Variants in AATK observed in about 807,000 individuals in gnomAD.
AATK encodes the protein serine/threonine-protein kinase LMTK1.
In AATK, 91 loss-of-function variants were observed where a neutral mutation model predicts 114.3. The observed-to-expected ratio is 0.80, with a 90% CI of 0.67 to 0.95. AATK has a LOEUF of 0.95. Ranked by LOEUF, AATK falls within the 40% of genes least tolerant of loss-of-function variation. The pLI, the probability that AATK is intolerant of heterozygous loss-of-function variation, is 0.00. For missense variants in AATK, 2,176 were observed against 1,965.2 expected, an observed-to-expected ratio of 1.11 and a Z score of -2.03; for synonymous variants, 1,075 against 916.5, an observed-to-expected ratio of 1.17 and a Z score of -3.12.
chr17:81,121,147 C>G lies in AATK; in HGVS notation c.2789G>C (p.Gly930Ala), dbSNP rs372714171. The change falls in exon 11 of 14, where the codon GGG becomes GCG. Residue 930 changes from glycine to alanine, a missense_variant. Gly to Ala is a moderately conservative substitution (Grantham distance 60). Coordinates refer to ENST00000326724, the MANE Select transcript of AATK (RefSeq NM_001080395.3). The stretch of plus-strand genomic sequence containing the variant: ...GCCACTGTCCAGCGCTCGCGGCTGC[C>G]CTCCAGAGGGGCCAGTGGCCGACGG... ...FSPSATGPSG[G>A]QPRALDSGYD... 23 of 1,604,482 alleles carry G rather than the reference C, an allele frequency of 1.4e-5. No homozygotes were observed. Among genetic ancestry groups the G allele is most frequent in the Non-Finnish European group, 2.0e-5 (23 of 1,176,380 alleles).
rs61577292 is a variant in AATK at position 81,154,723 on chromosome 17, A to G, written c.55+11215T>C. On this transcript the variant is annotated intron_variant, in intron 1 of 13. Transcript: ENST00000326724. ...CGGCTCACTGCAACCTCCACCTCCC[A>G]GGTTCAAGCAATTCTCCTGCCTCAG... Among the ~76,000 whole-genome samples, 7 of 140,282 alleles carry G rather than the reference A, an allele frequency of 5.0e-5. No individual in the cohort carries two copies. The East Asian group carries it at 6.3e-4, about 13-fold the overall frequency. 92.0% of individuals were successfully genotyped at this position (140,282 alleles called of 152,430 possible).
chr17:81,151,804 G>A (rs2061302683), intron 1 of AATK, among the ~76,000 whole-genome samples: 2 of 152,228 alleles, frequency 1.3e-5, no homozygotes, highest in Admixed American at 1.3e-4. Flanking sequence ...GAAATTAAGT[G>A]TGCTCAAGGG....
In AATK at chr17:81,165,520, C is replaced by A. The variant is rs1255991196; in HGVS notation, c.55+418G>T. The A allele has an allele frequency of 1.1e-5, 8 of 733,324 alleles. No homozygotes were observed. In the Admixed American group the frequency reaches 2.2e-4, roughly 20 times the overall value. 45.4% of individuals were successfully genotyped at this position (733,324 alleles called of 1,614,324 possible). On this transcript the variant is annotated intron_variant, in intron 1 of 13. Coordinates refer to ENST00000326724, the MANE Select transcript of AATK (RefSeq NM_001080395.3). Reference sequence around the variant, plus strand: ...GCAGGGCTCTGAGAATCGCTCCCAGCCTGGGAAGAAGCCTCCCACGCCAGG... The same window carrying A: ...GCAGGGCTCTGAGAATCGCTCCCAGACTGGGAAGAAGCCTCCCACGCCAGG...
chr17:81,159,714 C>G (rs1260438878), intron 1 of AATK, among the ~76,000 whole-genome samples: 1 of 151,962 alleles, frequency 6.6e-6, no homozygotes. Flanking sequence ...AGGATCCTCA[C>G]ACCGAGGACG....
chr17:81,158,553 G>T (rs1336246908), intron 1 of AATK, among the ~76,000 whole-genome samples: 3 of 152,240 alleles, frequency 2.0e-5, no homozygotes, highest in African/African-American at 7.2e-5. Flanking sequence ...TGCTCACTGC[G>T]CACAGACCTG....
At position 81,126,246 on chromosome 17, in the gene AATK, T is replaced by C. The variant is rs62073058; in HGVS notation, c.755+181A>G. Among the ~76,000 whole-genome samples, 12,557 of 152,192 alleles carry C rather than the reference T, an allele frequency of 0.083. 620 individuals carry two copies. Among genetic ancestry groups the C allele is most frequent in the African/African-American group, 0.13 (5,476 of 41,520 alleles). ...ACCTGCAAAGTGGGTGTCAAACCAT[T>C]GTCTTCCCAATTTTTCAAAAACGTC... On this transcript the variant is annotated intron_variant, in intron 7 of 13. Coordinates refer to ENST00000326724, the MANE Select transcript of AATK (RefSeq NM_001080395.3). The surrounding 1 kb of genome is among the most constrained non-coding windows in gnomAD (Gnocchi z 5.1).
At position 81,124,920 on chromosome 17, in the gene AATK, C is replaced by T; in HGVS notation, c.840+10G>A. 1.3e-6 allele frequency: 2 copies of T among 1,562,770 alleles called. No individual in the cohort carries two copies. Among genetic ancestry groups the T allele is most frequent in the African/African-American group, 1.4e-5 (1 of 73,182 alleles). On this transcript the variant is annotated intron_variant, in intron 8 of 13. Transcript: ENST00000326724. ...CTCATGCCCAGCCCAGCCCACCCCA[C>T]CCCACTCACTCTGTACTTGCAGTGA...
intron 1 of AATK, among the ~76,000 whole-genome samples, chr17:81,162,685 G>A (rs142068768): frequency 1.3e-5 from 2 of 152,306 alleles, no homozygotes; most frequent in East Asian, 1.9e-4. Context: ...CCAGGTGTCC[G>A]GTTCACATGA....
At chr17:81,119,264 A>AAGGCGCGGT in intron 13 of AATK, 116 bp downstream of exon 13, 1 of 1,004,606 alleles carries the variant, frequency 1.0e-6, no homozygotes, top group Non-Finnish European at 1.3e-6. Flanking sequence ...GAAGGAGCGG[A>AAGGCGCGGT]GCGGAGCGGA....
Position 81,122,073 on chromosome 17 carries a change from C to A in AATK, c.1863G>T (p.Glu621Asp). 6.3e-7 allele frequency: 1 copy of A among 1,586,036 alleles called. No individual in the cohort carries two copies. Among genetic ancestry groups the A allele is most frequent in the East Asian group, 2.3e-5 (1 of 43,958 alleles). ...CCCAGTCTGCATCCTCCGCTCCTCC[C>A]TCCGCCAGACTCAGGGGCCCCGCCG... ...SPSAGPLSLA[E>D]GGAEDADWGV... Residue 621 changes from glutamate (E) to aspartate (D), a missense_variant, in exon 11 of 14, where the codon GAG (glutamate) becomes GAT (aspartate). Transcript: ENST00000326724.
At chr17:81,163,216 G>A (rs929625083) in intron 1 of AATK, among the ~76,000 whole-genome samples, 2 of 152,192 alleles carry the variant, frequency 1.3e-5, no homozygotes, top group African/African-American at 2.4e-5. Flanking sequence ...GACAGCTCCA[G>A]GCCCCAGGGC....
intron 1 of AATK, among the ~76,000 whole-genome samples, chr17:81,146,236 C>T (rs979168800): frequency 6.6e-6 from 1 of 151,750 alleles, no homozygotes; most frequent in South Asian, 2.1e-4. Flanking sequence ...TGATGCACAC[C>T]TGTGGTCCCA....
Position 81,133,304 on chromosome 17 carries a change from G to A in AATK, c.189+1064C>T. 4.5e-6 allele frequency: 2 copies of A among 446,886 alleles called. 1 individual carries two copies. Among genetic ancestry groups the A allele is most frequent in the South Asian group, 3.2e-5 (2 of 62,020 alleles). The allele number at this position is 446,886 out of a possible 1,614,324, so 27.7% of individuals were successfully genotyped here. A position where few individuals can be genotyped will look rare whatever the true frequency, so the allele number is the denominator to read the frequency against. On this transcript the variant is annotated intron_variant, in intron 2 of 13. Coordinates refer to ENST00000326724, the MANE Select transcript of AATK (RefSeq NM_001080395.3). ...GCACCGTCACCTGCCAGGCCAGCGG[G>A]ACAGGTGGGCAGAGCCAGCTCCTTG...
At chr17:81,133,166 C>A (rs996108904) in intron 2 of AATK, 1 of 469,448 alleles carries the variant, frequency 2.1e-6, no homozygotes, top group Non-Finnish European at 4.4e-6. Flanking sequence ...CTTTGCCCCC[C>A]AGGCACGCAG....
chr17:81,120,921 G>A lies in AATK; in HGVS notation c.3015C>T (p.Ala1005=), dbSNP rs537667906. 37 of 1,599,528 alleles carry A rather than the reference G, an allele frequency of 2.3e-5. No homozygotes were observed. The highest frequency in any genetic ancestry group is 2.3e-4 in the South Asian group (20 of 88,718). The change falls in exon 11 of 14, where the codon GCC becomes GCT. Residue 1005 remains alanine (A), a synonymous_variant. Transcript: ENST00000326724. ...TCTTCTCTGGGCCTGAGGTGGCCTC[G>A]GCCTCAGCCTCGAGGTCTGAGAAGT... ...SAYFSDLEAE[A]EATSGPEKKC...
rs1489277526 is a variant in AATK at position 81,126,730 on chromosome 17, G to C, written c.622-170C>G. ...GGCCAGCACCCAGCAGTTCCTGGAGGGGGGCCGTGTCCCCCAGGGCTGGGC... is the reference window on the plus strand; with the variant it reads ...GGCCAGCACCCAGCAGTTCCTGGAGCGGGGCCGTGTCCCCCAGGGCTGGGC... On this transcript the variant is annotated intron_variant, in intron 6 of 13. Coordinates refer to ENST00000326724, the MANE Select transcript of AATK (RefSeq NM_001080395.3). The surrounding 1 kb of genome is among the most constrained non-coding windows in gnomAD (Gnocchi z 5.1). 2.8e-5 allele frequency: 40 copies of C among 1,418,552 alleles called. No homozygotes were observed. The East Asian group carries it at 5.1e-4, about 18-fold the overall frequency. The allele number at this position is 1,418,552 out of a possible 1,614,324, so 87.9% of individuals were successfully genotyped here.
chr17:81,123,149 C>T, intron 10 of AATK, 45 bp downstream of exon 10: 1 of 1,396,454 alleles, frequency 7.2e-7, no homozygotes, highest in Non-Finnish European at 9.3e-7. Context: ...ATCAGGATAC[C>T]CCATCTCGGC....
At chr17:81,151,858 G>T (rs971631910) in intron 1 of AATK, among the ~76,000 whole-genome samples, 1 of 152,150 alleles carries the variant, frequency 6.6e-6, no homozygotes, top group Non-Finnish European at 1.5e-5. Context: ...CCTTCGATTT[G>T]GGTGTCAACT....
Position 81,145,594 on chromosome 17 carries a change from G to A in AATK, c.56-11093C>T, listed in dbSNP as rs146136770. The stretch of plus-strand genomic sequence containing the variant: ...CTAAAAATACACAAATTAGCCAGGC[G>A]TGGTGGCATGCTTCTGTAATCCTAG... On this transcript the variant is annotated intron_variant, in intron 1 of 13. Transcript: ENST00000326724. 1.1e-3 allele frequency among the ~76,000 whole-genome samples: 172 copies of A among 152,166 alleles called. 1 individual carries two copies. The highest frequency in any genetic ancestry group is 3.4e-3 in the Middle Eastern group (1 of 294).
Sources: allele counts gnomAD v4.1 joint callset (sites outside exome capture counted in the v4.1 genomes callset), GRCh38; gene constraint gnomAD v4.1.1; non-coding constraint Gnocchi (gnomAD v3.1); transcripts MANE v1.5; gene names NCBI Gene and HGNC (gene_info 2026-07-23, HGNC 2026-07-21).